The following PKHD1 variants were observed in gnomAD, a reference collection of about 807,000 sequenced individuals.
PKHD1 encodes the protein fibrocystin.
In PKHD1, 291 loss-of-function variants were observed where a neutral mutation model predicts 412.0. That is an observed-to-expected ratio of 0.71 (90% CI 0.64 to 0.78). PKHD1 has a LOEUF of 0.78. Among genes scored for constraint, PKHD1 ranks in the 30% least tolerant of loss-of-function variants. The pLI is 0.00. For missense variants in PKHD1, 4,825 were observed against 4,950.7 expected, an observed-to-expected ratio of 0.97 and a Z score of 0.76; for synonymous variants, 1,777 against 1,821.5, an observed-to-expected ratio of 0.98 and a Z score of 0.62.
chr6:51,723,935 T>G (rs1297318578), intron 60 of PKHD1, among the ~76,000 whole-genome samples: 1 of 152,206 alleles, frequency 6.6e-6, no homozygotes, highest in East Asian at 1.9e-4. Flanking sequence ...TAAGCTTCTC[T>G]TATTTCTACC....
At chr6:51,749,187 G>A (rs981773632) in intron 57 of PKHD1, among the ~76,000 whole-genome samples, 4 of 152,176 alleles carry the variant, frequency 2.6e-5, no homozygotes, top group African/African-American at 9.6e-5. Context: ...CCAGAAGCCT[G>A]ATATTCCATA....
chr6:51,641,367 A>G (rs1349316424), intron 63 of PKHD1, among the ~76,000 whole-genome samples: 1 of 152,224 alleles, frequency 6.6e-6, no homozygotes, highest in Non-Finnish European at 1.5e-5. Flanking sequence ...CTCATCTCAC[A>G]CCAGTTAGAA....
Position 52,010,378 on chromosome 6 carries a change from A to G in PKHD1, c.5682T>C (p.Cys1894=). ...CGGTAATTGGCTGATTGGGCGTCTC[A>G]CACTCCATCTCTGCCTCAGTTTCCA... ...ITMETEAEME[C]ETPNQPITVK... Residue 1894 remains cysteine, a synonymous_variant, in exon 35 of 67, where the codon TGT becomes TGC. Coordinates refer to ENST00000371117, the MANE Select transcript of PKHD1 (RefSeq NM_138694.4). The G allele has an allele frequency of 3.1e-6, 5 of 1,612,900 alleles. No individual in the cohort carries two copies. The highest frequency in any genetic ancestry group is 4.2e-6 in the Non-Finnish European group (5 of 1,178,910).
intron 46 of PKHD1, among the ~76,000 whole-genome samples, chr6:51,875,020 G>A (rs1776634208): frequency 3.8e-5 from 2 of 53,236 alleles, no homozygotes; most frequent in Non-Finnish European, 6.5e-5. Context: ...CTGGAAAATC[G>A]GGTCACTCCC....
At chr6:51,704,207 A>G (rs1779757818) in intron 60 of PKHD1, among the ~76,000 whole-genome samples, 1 of 152,094 alleles carries the variant, frequency 6.6e-6, no homozygotes, top group Non-Finnish European at 1.5e-5. Context: ...CAAACGAAAG[A>G]CAAAACCAGA....
chr6:51,727,938 CCTGT>C (rs1172129931), intron 60 of PKHD1, among the ~76,000 whole-genome samples: 1 of 152,148 alleles, frequency 6.6e-6, no homozygotes, highest in Admixed American at 6.5e-5. Context: ...CTACTCTATG[CCTGT>C]CTAACAACCT....
intron 52 of PKHD1, among the ~76,000 whole-genome samples, chr6:51,806,553 A>G (rs1763815192): frequency 1.3e-5 from 2 of 152,170 alleles, no homozygotes. Context: ...GGACAATTAC[A>G]CATATAGGTC....
chr6:51,947,330 A>C (rs1789617206), intron 36 of PKHD1, among the ~76,000 whole-genome samples: 1 of 152,178 alleles, frequency 6.6e-6, no homozygotes, highest in African/African-American at 2.4e-5. Context: ...TACTTCTATC[A>C]AATTTTCATC....
chr6:51,935,968 C>T (rs1787414612), intron 36 of PKHD1, among the ~76,000 whole-genome samples: 2 of 152,190 alleles, frequency 1.3e-5, no homozygotes, highest in African/African-American at 2.4e-5. Flanking sequence ...ATAGCACACC[C>T]TAGCCCCTTG....
intron 35 of PKHD1, among the ~76,000 whole-genome samples, chr6:51,985,271 T>C (rs2128049445): frequency 6.6e-6 from 1 of 152,360 alleles, no homozygotes; most frequent in Non-Finnish European, 1.5e-5. Flanking sequence ...AATCAACTTC[T>C]TGAAATATTT....
At chr6:51,924,842 A>C (rs992424455) in intron 37 of PKHD1, among the ~76,000 whole-genome samples, 1 of 151,956 alleles carries the variant, frequency 6.6e-6, no homozygotes, top group African/African-American at 2.4e-5. Flanking sequence ...TCACCAAATC[A>C]AAAGTGTAAA....
At chr6:51,806,710 A>G (rs7741562) in intron 52 of PKHD1, among the ~76,000 whole-genome samples, 150,870 of 152,128 alleles carry the variant, frequency 0.99, 74,826 homozygotes, top group Middle Eastern at 1. Context: ...TTTTTAATTC[A>G]AGGGAGTTTT....
chr6:51,719,175 G>C (rs1223995342), intron 60 of PKHD1, among the ~76,000 whole-genome samples: 2 of 152,146 alleles, frequency 1.3e-5, no homozygotes, highest in East Asian at 3.9e-4. Flanking sequence ...GTATAATAAA[G>C]AGTGTGCCAA....
intron 14 of PKHD1, 116 bp from the exon 15 acceptor site, chr6:52,060,158 T>C (rs1375412409): frequency 1.4e-6 from 1 of 700,954 alleles, no homozygotes; most frequent in Non-Finnish European, 2.6e-6. Context: ...AACAACCTGA[T>C]TCTTATGCCA....
Position 51,950,220 on chromosome 6 carries a change from A to AAAATAT in PKHD1, c.5908+9649_5908+9650insATATTT. On this transcript the variant is annotated intron_variant, in intron 36 of 66. Transcript: ENST00000371117. ...AATGGGCAATATAGAGAAAAAAAAA[A>AAAATAT]ATATATATATATATATATATGAAAT... 5.6e-3 allele frequency among the ~76,000 whole-genome samples: 549 copies of AAAATAT among 98,294 alleles called. 9 individuals are homozygous for AAAATAT. Among genetic ancestry groups the AAAATAT allele is most frequent in the African/African-American group, 0.019 (495 of 26,486 alleles). 64.5% of individuals were successfully genotyped at this position (98,294 alleles called of 152,430 possible). A position where few individuals can be genotyped will look rare whatever the true frequency, so the allele number is the denominator to read the frequency against.
At chr6:51,684,785 G>A (rs186842048) in intron 60 of PKHD1, among the ~76,000 whole-genome samples, 1 of 152,262 alleles carries the variant, frequency 6.6e-6, no homozygotes, top group East Asian at 1.9e-4. Context: ...GGTACAAGCA[G>A]CTGGTTTGAC....
chr6:51,984,017 G>A (rs948204187), intron 35 of PKHD1, among the ~76,000 whole-genome samples: 37 of 152,336 alleles, frequency 2.4e-4, no homozygotes, highest in African/African-American at 8.7e-4. Flanking sequence ...GAATGTTAAT[G>A]AAGTTCTTTG....
At chr6:52,076,554 TTTGA>T (rs1811354653) in intron 5 of PKHD1, among the ~76,000 whole-genome samples, 1 of 152,184 alleles carries the variant, frequency 6.6e-6, no homozygotes, top group Non-Finnish European at 1.5e-5. Context: ...GTAGAGGTAA[TTTGA>T]TTAAGGTCAC....
intron 33 of PKHD1, among the ~76,000 whole-genome samples, chr6:52,021,765 C>T (rs1801434316): frequency 6.6e-6 from 1 of 152,068 alleles, no homozygotes; most frequent in Non-Finnish European, 1.5e-5. Flanking sequence ...CCTCTTCCCC[C>T]TCCTCCTTCC....
Sources: gnomAD v4.1 joint callset for allele counts (sites outside exome capture counted in the v4.1 genomes callset) on GRCh38, gnomAD v4.1.1 for gene constraint, MANE v1.5 for transcripts, NCBI Gene and HGNC (gene_info 2026-07-23, HGNC 2026-07-21) for gene names.